JMJD1C: variants seen among roughly 807,000 people sequenced by gnomAD.
The protein encoded by JMJD1C is jumonji domain-containing protein 1C.
JMJD1C carries 31 observed loss-of-function variants against 245.3 expected under a neutral mutation model. The observed-to-expected ratio is 0.13, with a 90% CI of 0.09 to 0.17. The LOEUF (loss-of-function observed/expected upper bound fraction) is 0.17, where lower values mean the gene tolerates loss of function less well. JMJD1C is among the 10% of genes least tolerant of loss of function. The probability of loss-of-function intolerance (pLI) is 1.00; values close to 1 mark genes in which losing one functional copy is unlikely to be tolerated. For missense variants in JMJD1C, 2,691 were observed against 3,000.2 expected (o/e 0.90, Z 2.41); for synonymous variants, 1,057 against 1,017.4 (o/e 1.04, Z -0.74).
chr10:63,203,080 T>C, intron 10 of JMJD1C: 3 of 984,442 alleles, frequency 3.0e-6, no homozygotes, highest in Non-Finnish European at 3.6e-6. Flanking sequence ...CATTTAGAGC[T>C]TTTTTTCAAT....
chr10:63,351,734 T>C (rs1405158076), intron 2 of JMJD1C, among the ~76,000 whole-genome samples: 2 of 152,106 alleles, frequency 1.3e-5, no homozygotes, highest in East Asian at 3.9e-4. Context: ...GAAGTAAACC[T>C]ACCCTAATTC....
At chr10:63,244,998 A>G (rs913509622) in intron 3 of JMJD1C, among the ~76,000 whole-genome samples, 1 of 151,850 alleles carries the variant, frequency 6.6e-6, no homozygotes, top group Admixed American at 6.6e-5. Flanking sequence ...GTAGCTGGGC[A>G]TGGTGGCAGG....
At chr10:63,328,769 A>G (rs1482064450) in intron 2 of JMJD1C, among the ~76,000 whole-genome samples, 6 of 152,250 alleles carry the variant, frequency 3.9e-5, no homozygotes, top group African/African-American at 1.4e-4. Flanking sequence ...ATTACACAAA[A>G]ATGTCTAACT....
intron 1 of JMJD1C, among the ~76,000 whole-genome samples, chr10:63,516,633 C>A (rs1201276244): frequency 6.6e-6 from 1 of 152,160 alleles, no homozygotes; most frequent in Non-Finnish European, 1.5e-5. Flanking sequence ...AAAACAAAAG[C>A]TTCTGTCTAA....
intron 1 of JMJD1C, among the ~76,000 whole-genome samples, chr10:63,410,138 A>G (rs1287987494): frequency 6.6e-6 from 1 of 152,216 alleles, no homozygotes. Context: ...ACTAACGACA[A>G]GCAGACCCTA....
chr10:63,392,910 G>A lies in JMJD1C; in HGVS notation c.169-12428C>T, dbSNP rs374405949. Among the ~76,000 whole-genome samples, 37 of 87,868 alleles carry A rather than the reference G, an allele frequency of 4.2e-4. 1 individual carries two copies. Among genetic ancestry groups the A allele is most frequent in the South Asian group, 1.9e-3 (5 of 2,608 alleles). The allele number at this position is 87,868 out of a possible 152,430, so 57.6% of individuals were successfully genotyped here. A position where few individuals can be genotyped will look rare whatever the true frequency, so the allele number is the denominator to read the frequency against. ...CACACACACACACACACACACACAC[G>A]TGAGCAAAGGACATAAACAGACATT... On this transcript the variant is annotated intron_variant, in intron 1 of 25. Transcript: ENST00000399262.
Position 63,345,386 on chromosome 10 carries a change from CTAAGG to C in JMJD1C, c.333+34927_333+34931del, listed in dbSNP as rs1483748789. Among the ~76,000 whole-genome samples, 4 of 150,804 alleles carry C rather than the reference CTAAGG, an allele frequency of 2.7e-5. No individual in the cohort carries two copies. The East Asian group carries it at 7.8e-4, about 30-fold the overall frequency. On this transcript the variant is annotated intron_variant, in intron 2 of 25. Coordinates refer to ENST00000399262, the MANE Select transcript of JMJD1C (RefSeq NM_032776.3). ...CCTGTAATCCCAGCTACTCGGGAAGCTAAGGAAGGAGAATCGCTTGAACCCAGGAG... is the reference window on the plus strand; with the variant it reads ...CCTGTAATCCCAGCTACTCGGGAAGCAAGGAGAATCGCTTGAACCCAGGAG...
chr10:63,206,693 T>C lies in JMJD1C; in HGVS notation c.4976A>G (p.Lys1659Arg), dbSNP rs1158299286. The change falls in exon 10 of 26, where the codon AAG becomes AGG. Residue 1659 changes from lysine (K) to arginine (R), a missense_variant. Physicochemically the swap from Lys to Arg is conservative, Grantham distance 26 (BLOSUM62 2). This residue lies in a region of JMJD1C where 144 missense variants were observed against 143.3 expected (regional missense o/e 1.00). Transcript: ENST00000399262. Reference sequence around the variant, plus strand: ...ATCTTCTTCTATTTCACCTTTTCTCTTTTGCAAATCATTTTGCTTCTTTTT... The same window carrying C: ...ATCTTCTTCTATTTCACCTTTTCTCCTTTGCAAATCATTTTGCTTCTTTTT... Reference protein sequence around the residue: ...TYKKKQNDLQKRKGEIEEDLK... With the variant: ...TYKKKQNDLQRRKGEIEEDLK... The C allele has an allele frequency of 6.2e-7, 1 of 1,613,758 alleles. No individual in the cohort carries two copies. The highest frequency in any genetic ancestry group is 1.3e-5 in the African/African-American group (1 of 74,926).
At chr10:63,428,566 T>C (rs965572485) in intron 1 of JMJD1C, among the ~76,000 whole-genome samples, 7 of 152,144 alleles carry the variant, frequency 4.6e-5, no homozygotes, top group Admixed American at 6.5e-5. Flanking sequence ...GATGAGAAAC[T>C]TTTCAGTGAC....
intron 2 of JMJD1C, among the ~76,000 whole-genome samples, chr10:63,276,883 G>GTTTTTTTT (rs1210696219): frequency 1.9e-4 from 8 of 41,080 alleles, no homozygotes; most frequent in East Asian, 4.3e-4. Context: ...GAAGCTTGGG[G>GTTTTTTTT]CTTTTTTTTT....
chr10:63,303,300 T>C (rs145866074), intron 2 of JMJD1C, among the ~76,000 whole-genome samples: 105 of 152,280 alleles, frequency 6.9e-4, no homozygotes, highest in Non-Finnish European at 1.4e-3. Flanking sequence ...TGCTTGTGCC[T>C]TTTTTGTTGA....
At chr10:63,352,808 T>G (rs1944476069) in intron 2 of JMJD1C, among the ~76,000 whole-genome samples, 1 of 152,144 alleles carries the variant, frequency 6.6e-6, no homozygotes, top group African/African-American at 2.4e-5. Flanking sequence ...AAAAATACAG[T>G]GTTCATGGGA....
intron 3 of JMJD1C, among the ~76,000 whole-genome samples, chr10:63,225,695 C>T (rs1433835573): frequency 6.6e-6 from 1 of 151,606 alleles, no homozygotes; most frequent in Non-Finnish European, 1.5e-5. Context: ...TGGAGAATCA[C>T]TTGAACCCGG....
At chr10:63,302,501 C>T (rs1380287565) in intron 2 of JMJD1C, among the ~76,000 whole-genome samples, 1 of 152,192 alleles carries the variant, frequency 6.6e-6, no homozygotes, top group East Asian at 1.9e-4. Context: ...CTTTATCTTG[C>T]ATGAGAACCA....
At position 63,214,462 on chromosome 10, in the gene JMJD1C, C is replaced by T. The variant is rs774751391; in HGVS notation, c.1705G>A (p.Val569Ile). The change falls in exon 8 of 26, where the codon GTA becomes ATA. Residue 569 changes from valine (V) to isoleucine (I), a missense_variant. Around this residue, in one of 9 missense-constraint regions of JMJD1C, gnomAD observed 1,562 missense variants for 1,490.7 expected, o/e 1.05. Coordinates refer to ENST00000399262, the MANE Select transcript of JMJD1C (RefSeq NM_032776.3). ...GATTGGGTTAGATCCACTTTAACTACATCACTGACCCAGCTCTGGTCAGAA... is the reference window on the plus strand; with the variant it reads ...GATTGGGTTAGATCCACTTTAACTATATCACTGACCCAGCTCTGGTCAGAA... ...KDSDQSWVSD[V>I]VKVDLTQSSV... The T allele has an allele frequency of 4.3e-6, 7 of 1,613,862 alleles. No individual in the cohort carries two copies. The highest frequency in any genetic ancestry group is 1.6e-4 in the Middle Eastern group (1 of 6,084).
chr10:63,483,755 A>C (rs1190762788), intron 1 of JMJD1C, among the ~76,000 whole-genome samples: 2 of 152,234 alleles, frequency 1.3e-5, no homozygotes, highest in Non-Finnish European at 2.9e-5. Context: ...TTCTCTGCAG[A>C]ACCCAAAATA....
intron 2 of JMJD1C, among the ~76,000 whole-genome samples, chr10:63,334,549 C>T (rs1433659713): frequency 6.6e-6 from 1 of 152,070 alleles, no homozygotes; most frequent in Non-Finnish European, 1.5e-5. Context: ...TGGTGAAACC[C>T]TGTCTCTACA....
At chr10:63,308,276 G>A (rs971705216) in intron 2 of JMJD1C, among the ~76,000 whole-genome samples, 8 of 152,156 alleles carry the variant, frequency 5.3e-5, no homozygotes, top group Admixed American at 2.0e-4. Flanking sequence ...CTATGTAGGA[G>A]ATGGATTTCT....
At chr10:63,181,063 C>T (rs1336072242) in intron 22 of JMJD1C, among the ~76,000 whole-genome samples, 2 of 152,190 alleles carry the variant, frequency 1.3e-5, no homozygotes, top group Non-Finnish European at 2.9e-5. Flanking sequence ...GACTGGGTTT[C>T]ACTACGTTGG....
Sources: gnomAD v4.1 joint callset for allele counts (sites outside exome capture counted in the v4.1 genomes callset) on GRCh38, gnomAD v4.1.1 for gene constraint, gnomAD v4.1.1 regional missense constraint, MANE v1.5 for transcripts, NCBI Gene and HGNC (gene_info 2026-07-23, HGNC 2026-07-21) for gene names.